Variants in MCF2L2 observed in about 807,000 individuals in gnomAD.
MCF2L2 encodes the protein MCF.2 cell line derived transforming sequence-like 2.
In MCF2L2, 102 loss-of-function variants were observed where a neutral mutation model predicts 150.2. That is an observed-to-expected ratio of 0.68 (90% CI 0.58 to 0.80). The LOEUF (loss-of-function observed/expected upper bound fraction) is 0.80. MCF2L2 is among the 30% of genes least tolerant of loss of function. The pLI, the probability that MCF2L2 is intolerant of heterozygous loss-of-function variation, is 0.00. For missense variants in MCF2L2, 1,256 were observed against 1,372.8 expected (o/e 0.91, Z 1.34); for synonymous variants, 465 against 491.3 (o/e 0.95, Z 0.71).
At chr3:183,423,177 T>C (rs963464188) in intron 1 of MCF2L2, among the ~76,000 whole-genome samples, 4 of 152,230 alleles carry the variant, frequency 2.6e-5, no homozygotes, top group African/African-American at 9.6e-5. Flanking sequence ...CATTCCCACC[T>C]GATTAGCAGA....
intron 3 of MCF2L2, among the ~76,000 whole-genome samples, chr3:183,355,793 A>C (rs1449612742): frequency 6.6e-6 from 1 of 151,924 alleles, no homozygotes; most frequent in East Asian, 1.9e-4. Context: ...AGTCCACACC[A>C]GTCACCTGAG....
intron 3 of MCF2L2, 77 bp from the exon 4 acceptor site, chr3:183,341,707 C>T: frequency 3.1e-6 from 3 of 967,690 alleles, no homozygotes; most frequent in South Asian, 1.3e-5. Flanking sequence ...CAGAATACAC[C>T]CTGAAGCCTC....
chr3:183,313,171 C>T (rs965723833), intron 7 of MCF2L2, among the ~76,000 whole-genome samples: 13 of 152,130 alleles, frequency 8.5e-5, no homozygotes, highest in Non-Finnish European at 1.5e-4. Flanking sequence ...CCTCATCCCA[C>T]CTACTAAAGA....
Position 183,407,416 on chromosome 3 carries a change from G to A in MCF2L2, c.77-17637C>T, listed in dbSNP as rs911013242. 2.6e-5 allele frequency among the ~76,000 whole-genome samples: 4 copies of A among 152,172 alleles called. No homozygotes were observed. The South Asian group carries it at 6.2e-4, about 24-fold the overall frequency. ...ATACAATAGATTTTTTATTGAAGTC[G>A]TGTTTAATTCATGGATCAATTTGGG... On this transcript the variant is annotated intron_variant, in intron 1 of 29. Coordinates refer to ENST00000328913, the MANE Select transcript of MCF2L2 (RefSeq NM_015078.4).
chr3:183,296,713 C>T (rs866322616), intron 12 of MCF2L2: 1 of 365,294 alleles, frequency 2.7e-6, no homozygotes, highest in Non-Finnish European at 5.0e-6. Flanking sequence ...ATGGTATCCT[C>T]AGCACTCAGC....
At chr3:183,304,210 A>G (rs911017824) in intron 10 of MCF2L2, among the ~76,000 whole-genome samples, 3 of 152,260 alleles carry the variant, frequency 2.0e-5, no homozygotes, top group Non-Finnish European at 4.4e-5. Context: ...GCTATGCCAC[A>G]GACACCTATG....
chr3:183,311,888 A>T lies in MCF2L2; in HGVS notation c.754-116T>A, dbSNP rs1729394715. The T allele has an allele frequency of 4.4e-5, 40 of 902,676 alleles. No homozygotes were observed. In the South Asian group the frequency reaches 7.2e-4, roughly 16 times the overall value. 55.9% of individuals were successfully genotyped at this position (902,676 alleles called of 1,614,324 possible). A position where few individuals can be genotyped will look rare whatever the true frequency, so the allele number is the denominator to read the frequency against. On this transcript the variant is annotated intron_variant, in intron 7 of 29. Coordinates refer to ENST00000328913, the MANE Select transcript of MCF2L2 (RefSeq NM_015078.4). Reference sequence around the variant, plus strand: ...TTTTCATTTAGGAAATTAAATGCTGATGAAGTCAAGATGCAGCTTTAATCA... The same window carrying T: ...TTTTCATTTAGGAAATTAAATGCTGTTGAAGTCAAGATGCAGCTTTAATCA...
intron 15 of MCF2L2, among the ~76,000 whole-genome samples, chr3:183,246,927 T>C (rs553166834): frequency 6.6e-6 from 1 of 152,204 alleles, no homozygotes; most frequent in African/African-American, 2.4e-5. Flanking sequence ...TTGTTTTTAA[T>C]GTGTGCGTTA....
intron 15 of MCF2L2, 98 bp from the exon 16 acceptor site, chr3:183,231,115 T>C (rs1044238694): frequency 1.1e-6 from 1 of 934,432 alleles, no homozygotes; most frequent in Admixed American, 1.8e-5. Flanking sequence ...ATCAATACAG[T>C]TCCCTTTTAG....
At chr3:183,329,472 C>T (rs1006918170) in intron 5 of MCF2L2, among the ~76,000 whole-genome samples, 4 of 152,212 alleles carry the variant, frequency 2.6e-5, no homozygotes, top group African/African-American at 9.6e-5. Context: ...CAGGTGTGAG[C>T]CACCATGTTT....
chr3:183,282,152 CTTT>C (rs1727523322), intron 14 of MCF2L2, among the ~76,000 whole-genome samples: 1 of 150,942 alleles, frequency 6.6e-6, no homozygotes, highest in Admixed American at 6.6e-5. Flanking sequence ...GTTAAATTGG[CTTT>C]TATTATTATT....
intron 14 of MCF2L2, among the ~76,000 whole-genome samples, chr3:183,286,229 T>G (rs1399778762): frequency 6.6e-6 from 1 of 152,190 alleles, no homozygotes; most frequent in African/African-American, 2.4e-5. Flanking sequence ...GACTGTATTA[T>G]AGATGGTTTT....
chr3:183,213,267 G>GT lies in MCF2L2; in HGVS notation c.2496+2701dup, dbSNP rs368518524. ...GGATTTGAAAAAAAAAAAAACTTTT[G>GT]TTTTTTTTTTGCAAATAGATAGAAG... On this transcript the variant is annotated intron_variant, in intron 22 of 29. Coordinates refer to ENST00000328913, the MANE Select transcript of MCF2L2 (RefSeq NM_015078.4). Among the ~76,000 whole-genome samples the GT allele has an allele frequency of 5.1e-3, 716 of 139,248 alleles. 4 individuals are homozygous for GT. The highest frequency in any genetic ancestry group is 0.013 in the African/African-American group (491 of 38,098). The allele number at this position is 139,248 out of a possible 152,430, so 91.4% of individuals were successfully genotyped here.
chr3:183,422,744 TTAG>T (rs1715946927), intron 1 of MCF2L2, among the ~76,000 whole-genome samples: 1 of 152,154 alleles, frequency 6.6e-6, no homozygotes, highest in Admixed American at 6.5e-5. Flanking sequence ...TTACCAAGAT[TTAG>T]TAGATTTTCT....
chr3:183,413,051 C>T (rs909722330), intron 1 of MCF2L2, among the ~76,000 whole-genome samples: 1 of 152,158 alleles, frequency 6.6e-6, no homozygotes, highest in African/African-American at 2.4e-5. Flanking sequence ...GCTAAACCAA[C>T]CTTACATTCC....
intron 15 of MCF2L2, among the ~76,000 whole-genome samples, chr3:183,237,821 T>G (rs1723810936): frequency 2.5e-5 from 1 of 40,708 alleles, no homozygotes; most frequent in African/African-American, 9.9e-5. Context: ...CTTTCCTGCT[T>G]TCTCTTGTAG....
At chr3:183,322,599 T>C (rs976415973) in intron 6 of MCF2L2, among the ~76,000 whole-genome samples, 2 of 152,194 alleles carry the variant, frequency 1.3e-5, no homozygotes, top group Non-Finnish European at 2.9e-5. Flanking sequence ...TCACCCAACA[T>C]CAGACAACAT....
chr3:183,284,514 C>A (rs1727682644), intron 14 of MCF2L2, among the ~76,000 whole-genome samples: 1 of 152,118 alleles, frequency 6.6e-6, no homozygotes, highest in Admixed American at 6.5e-5. Flanking sequence ...CCAGCCTGGG[C>A]AACATGGTGA....
chr3:183,401,398 A>C (rs1358066141), intron 1 of MCF2L2, among the ~76,000 whole-genome samples: 2 of 152,232 alleles, frequency 1.3e-5, no homozygotes, highest in African/African-American at 4.8e-5. Flanking sequence ...ATTGGCCAAC[A>C]AGAAACTGGA....
Sources: gnomAD v4.1 joint callset for allele counts (sites outside exome capture counted in the v4.1 genomes callset) on GRCh38, gnomAD v4.1.1 for gene constraint, MANE v1.5 for transcripts, NCBI Gene and HGNC (gene_info 2026-07-23, HGNC 2026-07-21) for gene names.